CEMIP: variants seen among roughly 807,000 people sequenced by gnomAD.
CEMIP encodes cell migration-inducing and hyaluronan-binding protein.
Under a neutral mutation model 156.9 loss-of-function variants are expected in CEMIP, and 105 were observed. The ratio of observed to expected loss-of-function variants is 0.67; its 90% CI spans 0.57 to 0.79. The LOEUF is 0.79. CEMIP is among the 30% of genes least tolerant of loss of function. The pLI, the probability that CEMIP is intolerant of heterozygous loss-of-function variation, is 0.00. For synonymous variants in CEMIP, 676 were observed against 668.4 expected (o/e 1.01, Z -0.17); for missense variants, 1,457 against 1,769.4 (o/e 0.82, Z 3.17).
At chr15:80,884,998 G>C (rs940000554) in intron 7 of CEMIP, among the ~76,000 whole-genome samples, 2 of 152,150 alleles carry the variant, frequency 1.3e-5, no homozygotes, top group African/African-American at 4.8e-5. Flanking sequence ...ATGGTTTGCT[G>C]CACCTATCAA....
chr15:80,794,674 A>G (rs1285542827), intron 1 of CEMIP, among the ~76,000 whole-genome samples: 1 of 152,164 alleles, frequency 6.6e-6, no homozygotes, highest in African/African-American at 2.4e-5. Context: ...ATTGGTATGT[A>G]TTTTCTGCTT....
intron 1 of CEMIP, among the ~76,000 whole-genome samples, chr15:80,865,736 G>A (rs1273634544): frequency 4.0e-5 from 6 of 151,306 alleles, no homozygotes; most frequent in East Asian, 1.9e-4. Context: ...TTCCAGTATG[G>A]CCCAGGGAAA....
chr15:80,924,823 G>T, intron 18 of CEMIP, 117 bp downstream of exon 18: 1 of 946,450 alleles, frequency 1.1e-6, no homozygotes, highest in Non-Finnish European at 1.7e-6. Context: ...GCTTTGTGCT[G>T]GGCTTTGAGC....
chr15:80,814,043 CTTTTT>C (rs778309859), intron 1 of CEMIP, among the ~76,000 whole-genome samples: 4 of 73,730 alleles, frequency 5.4e-5, no homozygotes, highest in East Asian at 8.9e-4. Context: ...AACTCTTTGG[CTTTTT>C]TTTTTTTTTT....
intron 12 of CEMIP, among the ~76,000 whole-genome samples, chr15:80,900,638 G>GTGTGTGTGTGTGTCTGTGTGTGTC (rs1567090910): frequency 9.8e-6 from 1 of 101,926 alleles, no homozygotes; most frequent in African/African-American, 3.5e-5. Context: ...GTGTGTGTGT[G>GTGTGTGTGTGTGTCTGTGTGTGTC]TGTGTGTGTG....
chr15:80,942,181 G>A, intron 26 of CEMIP, 70 bp from the exon 27 acceptor site: 1 of 1,491,742 alleles, frequency 6.7e-7, no homozygotes, highest in Non-Finnish European at 9.4e-7. Flanking sequence ...CCTGTGACTG[G>A]GGATACGGGA....
intron 1 of CEMIP, among the ~76,000 whole-genome samples, chr15:80,821,659 G>A (rs1896912198): frequency 6.6e-6 from 1 of 152,174 alleles, no homozygotes; most frequent in African/African-American, 2.4e-5. Context: ...TGAGGGAGAG[G>A]GAATGAGGTC....
intron 3 of CEMIP, among the ~76,000 whole-genome samples, chr15:80,876,331 G>C (rs1898476184): frequency 6.6e-6 from 1 of 152,096 alleles, no homozygotes; most frequent in Non-Finnish European, 1.5e-5. Flanking sequence ...GACCATCCTT[G>C]GCTGCTCAGT....
chr15:80,941,965 G>A lies in CEMIP; in HGVS notation c.3524G>A (p.Ser1175Asn). ...CTGATTCCAAAGAACGCAGGCGTCA[G>A]TGACTGCACAGCCACAGCTTACCCC... is the stretch of plus-strand genomic sequence containing the variant. ...KALIPKNAGV[S>N]DCTATAYPKF... Residue 1175 changes from serine (S) to asparagine (N), a missense_variant, in exon 26 of 30, where the codon AGT (serine) becomes AAT (asparagine). Physicochemically the swap from Ser to Asn is conservative, Grantham distance 46. Coordinates refer to ENST00000394685, the MANE Select transcript of CEMIP (RefSeq NM_001293298.2). The A allele has an allele frequency of 6.2e-7, 1 of 1,614,120 alleles. No individual in the cohort carries two copies. The highest frequency in any genetic ancestry group is 2.2e-5 in the East Asian group (1 of 44,874).
rs34172431 is a variant in CEMIP at position 80,839,289 on chromosome 15, AGTGTGT to A, written c.-175-34212_-175-34207del. On this transcript the variant is annotated intron_variant, in intron 1 of 29. Coordinates refer to ENST00000394685, the MANE Select transcript of CEMIP (RefSeq NM_001293298.2). ...TGAAGGCTGTGGAGTCAAGGCCGTG[AGTGTGT>A]GTGTGTGTGTGTGTGTGTGTGTGTG... 1.0e-3 allele frequency among the ~76,000 whole-genome samples: 134 copies of A among 131,188 alleles called. 1 individual carries two copies. Among genetic ancestry groups the A allele is most frequent in the Middle Eastern group, 7.8e-3 (2 of 258 alleles). The allele number at this position is 131,188 out of a possible 152,430, so 86.1% of individuals were successfully genotyped here.
chr15:80,835,933 G>A (rs965280662), intron 1 of CEMIP, among the ~76,000 whole-genome samples: 1 of 149,888 alleles, frequency 6.7e-6, no homozygotes, highest in Non-Finnish European at 1.5e-5. Context: ...ATATCTACAT[G>A]TTTATTTTTA....
intron 14 of CEMIP, among the ~76,000 whole-genome samples, chr15:80,913,017 G>A (rs1038068575): frequency 3.3e-5 from 5 of 151,920 alleles, no homozygotes; most frequent in Non-Finnish European, 7.4e-5. Context: ...ATACTGGCTC[G>A]GGAGAAAGAG....
At chr15:80,873,509 T>G in intron 1 of CEMIP, 29 bp from the exon 2 acceptor site, 1 of 304,032 alleles carries the variant, frequency 3.3e-6, no homozygotes. Flanking sequence ...GTGGGAGTAT[T>G]TTTGTTCTGC....
At chr15:80,824,104 T>C (rs928829225) in intron 1 of CEMIP, among the ~76,000 whole-genome samples, 1 of 152,198 alleles carries the variant, frequency 6.6e-6, no homozygotes, top group Non-Finnish European at 1.5e-5. Context: ...CAATTAGGCT[T>C]TGTCTTGCTT....
intron 11 of CEMIP, 41 bp from the exon 12 acceptor site, chr15:80,895,828 G>A (rs763585241): frequency 3.1e-6 from 5 of 1,606,302 alleles, no homozygotes; most frequent in Non-Finnish European, 3.4e-6. Flanking sequence ...TTTGCCAAGA[G>A]CAAAGGGCTC....
intron 3 of CEMIP, among the ~76,000 whole-genome samples, chr15:80,875,664 G>T (rs563007879): frequency 1.3e-5 from 2 of 152,282 alleles, no homozygotes; most frequent in Admixed American, 1.3e-4. Context: ...GCCAACCCTT[G>T]CTATTCATGC....
chr15:80,900,638 G>GTGTGTGTCTGTGTGTCTGTGTGTGTGTC (rs1596172807), intron 12 of CEMIP, among the ~76,000 whole-genome samples: 1 of 101,926 alleles, frequency 9.8e-6, no homozygotes, highest in Non-Finnish European at 2.1e-5. Context: ...GTGTGTGTGT[G>GTGTGTGTCTGTGTGTCTGTGTGTGTGTC]TGTGTGTGTG....
chr15:80,941,342 T>A (rs1901326154), intron 25 of CEMIP, among the ~76,000 whole-genome samples: 1 of 152,168 alleles, frequency 6.6e-6, no homozygotes, highest in Admixed American at 6.5e-5. Context: ...CAATAATAAT[T>A]ATTATTTTAA....
chr15:80,813,791 A>T (rs1199330784), intron 1 of CEMIP, among the ~76,000 whole-genome samples: 1 of 152,236 alleles, frequency 6.6e-6, no homozygotes, highest in Non-Finnish European at 1.5e-5. Flanking sequence ...ATGCTTTTCA[A>T]AATGATTTTG....
Sources: allele counts gnomAD v4.1 joint callset (sites outside exome capture counted in the v4.1 genomes callset), GRCh38; gene constraint gnomAD v4.1.1; transcripts MANE v1.5; gene names NCBI Gene and HGNC (gene_info 2026-07-23, HGNC 2026-07-21).